ZNF273: variants seen among roughly 807,000 people sequenced by gnomAD.
ZNF273 encodes the protein zinc finger protein 9.
Under a neutral mutation model 14.9 loss-of-function variants are expected in ZNF273, and 11 were observed. The ratio of observed to expected loss-of-function variants is 0.74; its 90% CI spans 0.46 to 1.22. ZNF273 has a LOEUF of 1.22. Ranked by LOEUF, ZNF273 falls within the 50% of genes most tolerant of loss-of-function variation. The pLI, the probability that ZNF273 is intolerant of heterozygous loss-of-function variation, is 0.00. For synonymous variants in ZNF273, 199 were observed against 223.9 expected, an observed-to-expected ratio of 0.89 and a Z score of 0.99; for missense variants, 577 against 660.6, an observed-to-expected ratio of 0.87 and a Z score of 1.39.
intron 1 of ZNF273, among the ~76,000 whole-genome samples, chr7:64,911,865 T>A (rs1793539202): frequency 6.6e-6 from 1 of 152,226 alleles, no homozygotes; most frequent in South Asian, 2.1e-4. Context: ...GAGCATTTAA[T>A]GGCATAAATT....
intron 3 of ZNF273, among the ~76,000 whole-genome samples, chr7:64,926,797 T>C (rs73357600): frequency 0.018 from 2,723 of 151,912 alleles, 70 homozygotes; most frequent in African/African-American, 0.061. Context: ...AAATGTGTCT[T>C]TTCTGAAATT....
exon 2 of ZNF273, chr7:64,888,751 G>C (rs1178912561): frequency 1.0e-6 from 1 of 985,718 alleles, no homozygotes; most frequent in Non-Finnish European, 1.2e-6. Context: ...CAGCCCCGCA[G>C]AGCCGGATAG....
chr7:64,888,879 G>C (rs1791778979), downstream of ZNF273: 1 of 985,738 alleles, frequency 1.0e-6, no homozygotes, highest in Non-Finnish European at 1.2e-6. Context: ...ATCTGCCAGG[G>C]AAACGGAGGC....
rs755559951 is a variant in ZNF273, at chr7:64,928,300, C to CA, written c.975dup (p.Gly326ArgfsTer3). On this transcript the variant is annotated frameshift_variant, in exon 4 of 4. Transcript: ENST00000476120. LOFTEE classifies it low-confidence loss of function (END_TRUNC). The stretch of plus-strand genomic sequence containing the variant: ...AACCCTACAATTGTGAAGAATGTGG[C>CA]AAAGGCTTTAGTATATTCTCAACCC... The CA allele has an allele frequency of 8.2e-5, 133 of 1,612,646 alleles. No individual in the cohort carries two copies. Among genetic ancestry groups the CA allele is most frequent in the Non-Finnish European group, 1.1e-4 (131 of 1,179,524 alleles).
downstream of ZNF273, among the ~76,000 whole-genome samples, chr7:64,891,409 C>T (rs1288126569): frequency 5.9e-5 from 9 of 152,326 alleles, no homozygotes; most frequent in South Asian, 1.9e-3. Context: ...AGGACCCAGA[C>T]AGGCACAGCA....
chr7:64,885,778 G>T (rs1168474673), intron 1 of ZNF273, among the ~76,000 whole-genome samples: 4 of 152,214 alleles, frequency 2.6e-5, no homozygotes, highest in African/African-American at 4.8e-5. Context: ...GCGGTGCTGG[G>T]GCCACAGTGC....
At chr7:64,882,301 C>G (rs1287914176), downstream of ZNF273, among the ~76,000 whole-genome samples, 2 of 149,552 alleles carry the variant, frequency 1.3e-5, no homozygotes, top group Non-Finnish European at 3.0e-5. Flanking sequence ...GGTCTCCAAT[C>G]GCCTCCTCCT....
At chr7:64,902,558 C>T (rs1215130345), upstream of ZNF273, among the ~76,000 whole-genome samples, 3 of 152,134 alleles carry the variant, frequency 2.0e-5, no homozygotes, top group South Asian at 2.1e-4. Flanking sequence ...GGTGAAACCC[C>T]GTCTTTACTA....
At chr7:64,888,577 A>G (rs1224232849) in exon 2 of ZNF273, 4 of 985,808 alleles carry the variant, frequency 4.1e-6, no homozygotes, top group Non-Finnish European at 4.8e-6. Flanking sequence ...TCACAGTAGC[A>G]CTTAGCACCT....
At chr7:64,883,214 A>AACCC (rs1554378895), downstream of ZNF273, among the ~76,000 whole-genome samples, 11 of 121,634 alleles carry the variant, frequency 9.0e-5, no homozygotes, top group Admixed American at 8.5e-5. Flanking sequence ...CCAAATCACC[A>AACCC]CCCCCCCCTC....
At chr7:64,886,757 C>A (rs1308732939) in intron 1 of ZNF273, among the ~76,000 whole-genome samples, 2 of 152,214 alleles carry the variant, frequency 1.3e-5, no homozygotes. Context: ...CCTGGGCACA[C>A]CTGCATGAGG....
chr7:64,920,090 G>A (rs1345546478), intron 3 of ZNF273, among the ~76,000 whole-genome samples: 1 of 152,128 alleles, frequency 6.6e-6, no homozygotes, highest in Admixed American at 6.5e-5. Context: ...TGGGCCCCCA[G>A]AGTGATGGTT....
intron 1 of ZNF273, among the ~76,000 whole-genome samples, chr7:64,907,995 A>G (rs1793238514): frequency 1.3e-5 from 2 of 152,234 alleles, no homozygotes; most frequent in Admixed American, 1.3e-4. Flanking sequence ...CACCCTCAGG[A>G]ATTTCACCAC....
At chr7:64,914,290 G>A (rs1471420812) in intron 1 of ZNF273, among the ~76,000 whole-genome samples, 4 of 141,438 alleles carry the variant, frequency 2.8e-5, no homozygotes, top group East Asian at 4.1e-4. Flanking sequence ...ACCCACCTTG[G>A]CCTCCCAAAG....
chr7:64,890,221 T>TGAGAGTGAGAGAGAGAGAGA (rs1554380959), downstream of ZNF273: 2 of 64,052 alleles, frequency 3.1e-5, no homozygotes, highest in African/African-American at 9.6e-5. Flanking sequence ...TGTGTGTGTG[T>TGAGAGTGAGAGAGAGAGAGA]GAGAGAGAGA....
At chr7:64,907,144 C>T (rs1793170080) in intron 1 of ZNF273, among the ~76,000 whole-genome samples, 1 of 152,080 alleles carries the variant, frequency 6.6e-6, no homozygotes, top group South Asian at 2.1e-4. Context: ...GCCACTGAGA[C>T]CAGTTCAGCT....
chr7:64,924,927 C>T (rs1029210807), intron 3 of ZNF273, among the ~76,000 whole-genome samples: 2 of 151,834 alleles, frequency 1.3e-5, no homozygotes, highest in Non-Finnish European at 2.9e-5. Context: ...CTCAGCCTCC[C>T]AAGTAGCTGG....
chr7:64,883,344 G>A (rs1441041082), downstream of ZNF273, among the ~76,000 whole-genome samples: 1 of 152,014 alleles, frequency 6.6e-6, no homozygotes, highest in Non-Finnish European at 1.5e-5. Context: ...CTGTGCGCAG[G>A]GCTCCTTGAA....
downstream of ZNF273, among the ~76,000 whole-genome samples, chr7:64,883,217 C>CA (rs139045693): frequency 0.054 from 7,744 of 143,586 alleles, 726 homozygotes; most frequent in African/African-American, 0.18. Context: ...AATCACCACC[C>CA]CCCCCTCACC....
Sources: gnomAD v4.1 joint callset for allele counts (sites outside exome capture counted in the v4.1 genomes callset) on GRCh38, gnomAD v4.1.1 for gene constraint, MANE v1.5 for transcripts, NCBI Gene and HGNC (gene_info 2026-07-23, HGNC 2026-07-21) for gene names.